The following USP32 variants were observed in gnomAD, a reference collection of about 807,000 sequenced individuals.
The protein encoded by USP32 is ubiquitin carboxyl-terminal hydrolase 32.
USP32 carries 59 observed loss-of-function variants against 204.8 expected under a neutral mutation model. The observed-to-expected ratio is 0.29, with a 90% confidence interval of 0.23 to 0.36. USP32 has a LOEUF of 0.36. Among genes scored for constraint, USP32 ranks in the 10% least tolerant of loss-of-function variants. USP32 has a pLI of 1.00. For missense variants in USP32, 1,160 were observed against 1,946.4 expected, an observed-to-expected ratio of 0.60 and a Z score of 7.60; for synonymous variants, 517 against 678.4, an observed-to-expected ratio of 0.76 and a Z score of 3.70.
chr17:60,343,938 G>A (rs2088720331), intron 2 of USP32, among the ~76,000 whole-genome samples: 1 of 151,704 alleles, frequency 6.6e-6, no homozygotes. Flanking sequence ...GGAGGCTGAG[G>A]CAGGAGAATC....
Position 60,183,200 on chromosome 17 carries a change from G to A in USP32, c.4088C>T (p.Ser1363Phe), listed in dbSNP as rs2084159601. Residue 1363 changes from serine to phenylalanine, a missense_variant, in exon 31 of 34, where the codon TCC becomes TTC. Coordinates refer to ENST00000300896, the MANE Select transcript of USP32 (RefSeq NM_032582.4). ...GCTGATGATGTTAGCGCTGAGTGAG[G>A]ATGGGCTTTTGCTCAGGAGCACGTC... ...EEDVLLSKSP[S>F]SLSANIISSP... 6.2e-7 allele frequency: 1 copy of A among 1,613,930 alleles called. No individual in the cohort carries two copies.
chr17:60,265,449 A>G lies in USP32; in HGVS notation c.953T>C (p.Ile318Thr), dbSNP rs1343427512. 3 of 1,605,622 alleles carry G rather than the reference A, an allele frequency of 1.9e-6. No homozygotes were observed. Among genetic ancestry groups the G allele is most frequent in the African/African-American group, 2.7e-5 (2 of 74,728 alleles). The change falls in exon 9 of 34, where the codon ATT becomes ACT. Residue 318 changes from isoleucine to threonine, a missense_variant. Ile to Thr is a moderately conservative substitution (Grantham distance 89, BLOSUM62 -1). Transcript: ENST00000300896. ...IPELHMDLSD[I>T]VEGILNAHDT... ...ATGTGCATTCAGTATGCCTTCTACA[A>G]TATCAGAGAGATCCATATGTAATTC...
chr17:60,278,714 A>G (rs73318810), intron 5 of USP32, among the ~76,000 whole-genome samples: 6,752 of 152,296 alleles, frequency 0.044, 536 homozygotes, highest in African/African-American at 0.15. Context: ...GTATAAAGAT[A>G]ACAGTTGAAC....
At chr17:60,301,020 T>C (rs1284120092) in intron 3 of USP32, among the ~76,000 whole-genome samples, 3 of 152,252 alleles carry the variant, frequency 2.0e-5, no homozygotes, top group Non-Finnish European at 4.4e-5. Flanking sequence ...CATGAATCAG[T>C]ACTTTATTCC....
rs2084447813 is a variant in USP32 at position 60,193,914 on chromosome 17, C to CGGGATA, written c.3435-990_3435-985dup. 2.6e-5 allele frequency among the ~76,000 whole-genome samples: 4 copies of CGGGATA among 152,158 alleles called. No homozygotes were observed. The South Asian group carries it at 8.3e-4, about 32-fold the overall frequency. ...AAGTGAGGAATCAAAAGAAAGATAA[C>CGGGATA]GGGATAAAACAGTCAAGTAGCACTC... is the stretch of plus-strand genomic sequence containing the variant. On this transcript the variant is annotated intron_variant, in intron 27 of 33. Transcript: ENST00000300896.
intron 2 of USP32, among the ~76,000 whole-genome samples, chr17:60,336,245 A>G (rs1053276582): frequency 7.0e-6 from 1 of 143,054 alleles, no homozygotes; most frequent in Non-Finnish European, 1.5e-5. Flanking sequence ...CTGTTTTTCA[A>G]TAGCTTATGA....
At chr17:60,400,201 G>T (rs577961796) in intron 1 of USP32, among the ~76,000 whole-genome samples, 16 of 152,280 alleles carry the variant, frequency 1.1e-4, no homozygotes, top group Admixed American at 1.0e-3. Context: ...CTGACCTCAG[G>T]TGATCCACCT....
chr17:60,325,184 AG>A (rs1342927895), intron 2 of USP32, among the ~76,000 whole-genome samples: 2 of 151,898 alleles, frequency 1.3e-5, no homozygotes, highest in Non-Finnish European at 2.9e-5. Context: ...GAGCCTGAGG[AG>A]GGCAGATCAC....
chr17:60,298,245 C>G lies in USP32; in HGVS notation c.292+3354G>C, dbSNP rs569101775. On this transcript the variant is annotated intron_variant, in intron 3 of 33. Transcript: ENST00000300896. Reference sequence around the variant, plus strand: ...CCGATAAGCTGTTGAATATGTACAACTGGCCAACCTCTTCAGCATAAATCT... The same window carrying G: ...CCGATAAGCTGTTGAATATGTACAAGTGGCCAACCTCTTCAGCATAAATCT... 2.0e-5 allele frequency among the ~76,000 whole-genome samples: 3 copies of G among 152,326 alleles called. No homozygotes were observed. The South Asian group carries it at 6.2e-4, about 32-fold the overall frequency.
upstream of USP32, among the ~76,000 whole-genome samples, chr17:60,395,099 G>A (rs1339348609): frequency 1.3e-5 from 2 of 152,146 alleles, no homozygotes; most frequent in Non-Finnish European, 2.9e-5. Flanking sequence ...AAAAGGTACA[G>A]TTTAAAAAGC....
chr17:60,190,725 G>A lies in USP32; in HGVS notation c.3522-42C>T. On this transcript the variant is annotated intron_variant, in intron 28 of 33. Coordinates refer to ENST00000300896, the MANE Select transcript of USP32 (RefSeq NM_032582.4). ...GATCCACAGAGGAAGAAATAATTAT[G>A]AAGGAATCTAAATTTTCTTAATAAA... is the stretch of plus-strand genomic sequence containing the variant. The A allele has an allele frequency of 2.5e-6, 4 of 1,570,176 alleles. No individual in the cohort carries two copies. The South Asian group carries it at 4.9e-5, about 19-fold the overall frequency.
intron 27 of USP32, among the ~76,000 whole-genome samples, chr17:60,196,535 C>T (rs1399654604): frequency 6.6e-6 from 1 of 152,042 alleles, no homozygotes; most frequent in Non-Finnish European, 1.5e-5. Context: ...ATTTAAATAA[C>T]TTATTTTGGC....
Position 60,183,054 on chromosome 17 carries a change from G to A in USP32, c.4123+111C>T, listed in dbSNP as rs1039835385. The A allele has an allele frequency of 2.8e-6, 4 of 1,424,760 alleles. No homozygotes were observed. The African/African-American group carries it at 5.7e-5, about 20-fold the overall frequency. 88.3% of individuals were successfully genotyped at this position (1,424,760 alleles called of 1,614,324 possible). On this transcript the variant is annotated intron_variant, in intron 31 of 33. Transcript: ENST00000300896. ...TCAAATACAGATAGGTCTGATTCCA[G>A]ATAGGTTCTTTCCACCCAACCAACC...
intron 29 of USP32, among the ~76,000 whole-genome samples, chr17:60,188,059 C>T (rs1230121627): frequency 6.6e-6 from 1 of 152,116 alleles, no homozygotes; most frequent in Non-Finnish European, 1.5e-5. Flanking sequence ...CAGCTCACTG[C>T]AGCCTTGATC....
chr17:60,235,034 T>A (rs1026222962), intron 12 of USP32, among the ~76,000 whole-genome samples: 14 of 152,158 alleles, frequency 9.2e-5, no homozygotes, highest in African/African-American at 3.1e-4. Context: ...TAGGCAACAA[T>A]AAACCAGGTT....
chr17:60,397,609 G>A (rs903109469), intron 1 of USP32, among the ~76,000 whole-genome samples: 1 of 152,026 alleles, frequency 6.6e-6, no homozygotes, highest in African/African-American at 2.4e-5. Context: ...TGATCCTCCC[G>A]CCTAGGCCTC....
intron 11 of USP32, among the ~76,000 whole-genome samples, chr17:60,239,725 A>C (rs9893983): frequency 5.3e-5 from 8 of 151,646 alleles, no homozygotes; most frequent in Admixed American, 3.9e-4. Flanking sequence ...GGTTTCATTT[A>C]TTTATTTCTT....
intron 5 of USP32, among the ~76,000 whole-genome samples, chr17:60,284,146 C>T (rs2087043588): frequency 1.3e-5 from 2 of 150,822 alleles, no homozygotes; most frequent in African/African-American, 4.9e-5. Flanking sequence ...ATTAGAAGGT[C>T]ATTATTGTAG....
chr17:60,327,327 A>C (rs1262548696), intron 2 of USP32, among the ~76,000 whole-genome samples: 1 of 151,930 alleles, frequency 6.6e-6, no homozygotes, highest in African/African-American at 2.4e-5. Context: ...GATTGGCTTC[A>C]AGAGCAGCAA....
Sources: allele counts gnomAD v4.1 joint callset (sites outside exome capture counted in the v4.1 genomes callset), GRCh38; gene constraint gnomAD v4.1.1; transcripts MANE v1.5; gene names NCBI Gene and HGNC (gene_info 2026-07-23, HGNC 2026-07-21).